Variants in WIPF2 observed in about 807,000 individuals in gnomAD.
The protein encoded by WIPF2 is WAS/WASL-interacting protein family member 2.
WIPF2 carries 23 observed loss-of-function variants against 38.8 expected under a neutral mutation model. The ratio of observed to expected loss-of-function variants is 0.59; its 90% CI spans 0.43 to 0.84. WIPF2 has a LOEUF of 0.84. Among genes scored for constraint, WIPF2 ranks in the 40% least tolerant of loss-of-function variants. WIPF2 has a pLI of 0.00. For synonymous variants in WIPF2, 210 were observed against 223.2 expected (o/e 0.94, Z 0.53); for missense variants, 574 against 580.5 (o/e 0.99, Z 0.11).
rs1474168335 is a variant in WIPF2 at position 40,264,541 on chromosome 17, C to T, written c.365C>T (p.Ala122Val). ...CAAATCCCCAGTTCTCGAGCTGCTG[C>T]CCCAAGGCCTCCAGTATCTGCCGCC... is the stretch of plus-strand genomic sequence containing the variant. ...ALQIPSSRAAAPRPPVSAASG... is the reference protein window; with the variant it reads ...ALQIPSSRAAVPRPPVSAASG... The change falls in exon 5 of 8, where the codon GCC becomes GTC. Residue 122 changes from alanine (A) to valine (V), a missense_variant. Physicochemically the swap from Ala to Val is moderately conservative, Grantham distance 64. Coordinates refer to ENST00000323571, the MANE Select transcript of WIPF2 (RefSeq NM_133264.5). 1 of 1,613,972 alleles carries T rather than the reference C, an allele frequency of 6.2e-7. No homozygotes were observed. Among genetic ancestry groups the T allele is most frequent in the Non-Finnish European group, 8.5e-7 (1 of 1,180,042 alleles).
At chr17:40,248,653 A>G (rs2031454961) in intron 1 of WIPF2, among the ~76,000 whole-genome samples, 1 of 152,096 alleles carries the variant, frequency 6.6e-6, no homozygotes, top group South Asian at 2.1e-4. Context: ...TGTTAGAGAG[A>G]TTTCATTTGA....
intron 5 of WIPF2, among the ~76,000 whole-genome samples, chr17:40,270,796 C>T (rs779807153): frequency 6.6e-6 from 1 of 151,878 alleles, no homozygotes; most frequent in Non-Finnish European, 1.5e-5. Context: ...TTCTACTGAA[C>T]AAAGCTTGGA....
intron 1 of WIPF2, among the ~76,000 whole-genome samples, chr17:40,226,227 G>T (rs1243138779): frequency 6.8e-6 from 1 of 146,838 alleles, no homozygotes; most frequent in Non-Finnish European, 1.5e-5. Flanking sequence ...TTTTTGAGAT[G>T]GAGTCTCGTT....
intron 1 of WIPF2, among the ~76,000 whole-genome samples, chr17:40,225,574 C>CT (rs2030445446): frequency 6.6e-6 from 1 of 152,174 alleles, no homozygotes; most frequent in African/African-American, 2.4e-5. Flanking sequence ...ATGTGTTCTA[C>CT]TTAGTAAATA....
chr17:40,256,096 TAAA>T (rs892748332), intron 1 of WIPF2, among the ~76,000 whole-genome samples: 4 of 96,966 alleles, frequency 4.1e-5, no homozygotes, highest in Non-Finnish European at 4.2e-5. Context: ...CCAGGGTCTT[TAAA>T]AAAAAAAAAA....
At position 40,264,556 on chromosome 17, in the gene WIPF2, T is replaced by G. The variant is rs2032017183; in HGVS notation, c.380T>G (p.Val127Gly). ...CGAGCTGCTGCCCCAAGGCCTCCAG[T>G]ATCTGCCGCCAGCGGGCGTCCTCAG... Reference protein sequence around the residue: ...SSRAAAPRPPVSAASGRPQDD... With the variant: ...SSRAAAPRPPGSAASGRPQDD... The change falls in exon 5 of 8, where the codon GTA (valine) becomes GGA (glycine). Residue 127 changes from valine (V) to glycine (G), a missense_variant. By Grantham distance (109) the Val-to-Gly change is moderately radical. Transcript: ENST00000323571. 1.2e-6 allele frequency: 2 copies of G among 1,613,972 alleles called. No individual in the cohort carries two copies. The highest frequency in any genetic ancestry group is 2.7e-5 in the African/African-American group (2 of 74,868).
chr17:40,262,342 C>G (rs1452241986), intron 3 of WIPF2, among the ~76,000 whole-genome samples, 183 bp from the exon 4 acceptor site: 1 of 152,146 alleles, frequency 6.6e-6, no homozygotes, highest in African/African-American at 2.4e-5. Context: ...CTTGGCCTCC[C>G]AAAATGCTGG....
At chr17:40,262,476 C>T in intron 3 of WIPF2, 49 bp from the exon 4 acceptor site, 1 of 1,471,250 alleles carries the variant, frequency 6.8e-7, no homozygotes, top group Non-Finnish European at 9.5e-7. Context: ...TTTACTTGGT[C>T]ACCAGCTGAG....
At chr17:40,275,641 G>T (rs527803752) in intron 6 of WIPF2, among the ~76,000 whole-genome samples, 1 of 151,988 alleles carries the variant, frequency 6.6e-6, no homozygotes, top group South Asian at 2.1e-4. Context: ...ACGGCTCACC[G>T]CAGTCTCGAC....
intron 1 of WIPF2, among the ~76,000 whole-genome samples, chr17:40,249,061 A>T (rs1311203724): frequency 1.3e-5 from 2 of 152,132 alleles, no homozygotes; most frequent in African/African-American, 4.8e-5. Context: ...ACTGTAATTT[A>T]CTTTGTAGTC....
chr17:40,276,520 CAAAAAAAAAAAAA>C (rs1160459322), intron 6 of WIPF2, among the ~76,000 whole-genome samples: 1 of 71,616 alleles, frequency 1.4e-5, no homozygotes, highest in Non-Finnish European at 2.4e-5. Context: ...GACTCCGTCT[CAAAAAAAAAAAAA>C]AAAAAAAAAA....
chr17:40,225,486 T>C (rs1021269250), intron 1 of WIPF2, among the ~76,000 whole-genome samples: 13 of 152,184 alleles, frequency 8.5e-5, no homozygotes, highest in African/African-American at 2.2e-4. Context: ...AGTTATCAAA[T>C]AGGGGAGCCA....
intron 1 of WIPF2, among the ~76,000 whole-genome samples, chr17:40,254,358 A>G (rs911412909): frequency 1.3e-5 from 2 of 152,148 alleles, no homozygotes. Context: ...CAGTTCTTCC[A>G]TGGATTGATT....
At chr17:40,250,914 CTTTTTTTTT>C (rs1020649049) in intron 1 of WIPF2, among the ~76,000 whole-genome samples, 4 of 90,344 alleles carry the variant, frequency 4.4e-5, no homozygotes, top group Admixed American at 3.7e-4. Context: ...CTATTAGATT[CTTTTTTTTT>C]TTTTTTTTTT....
At position 40,265,018 on chromosome 17, in the gene WIPF2, A is replaced by G. The variant is rs766438650; in HGVS notation, c.842A>G (p.Asn281Ser). Residue 281 changes from asparagine (N) to serine (S), a missense_variant, in exon 5 of 8, where the codon AAT (asparagine) becomes AGT (serine). Asn to Ser is a conservative substitution (Grantham distance 46, BLOSUM62 1). Transcript: ENST00000323571. ...ESAPELPQRH[N>S]SLHRKTPGPV... ...GCCCCTGAGCTGCCACAGAGACACA[A>G]TTCTTTGCATAGGAAGACACCAGGG... The G allele has an allele frequency of 5.6e-6, 9 of 1,613,792 alleles. No individual in the cohort carries two copies. Among genetic ancestry groups the G allele is most frequent in the Middle Eastern group, 1.6e-4 (1 of 6,084 alleles).
intron 1 of WIPF2, among the ~76,000 whole-genome samples, chr17:40,222,573 A>ATGTGTGTGTGTGTTTG (rs1491562896): frequency 7.1e-6 from 1 of 139,974 alleles, no homozygotes; most frequent in African/African-American, 2.8e-5. Context: ...AGCCTTGCTC[A>ATGTGTGTGTGTGTTTG]TGTGTGTGTG....
intron 1 of WIPF2, among the ~76,000 whole-genome samples, chr17:40,240,413 C>A (rs901731992): frequency 4.6e-5 from 7 of 152,102 alleles, no homozygotes; most frequent in Non-Finnish European, 8.8e-5. Context: ...ACTATCACCC[C>A]ATCTTCCCGA....
At chr17:40,238,138 TGAGCCACCACCCCTGTCTCCAA>T (rs1216857283) in intron 1 of WIPF2, among the ~76,000 whole-genome samples, 1 of 151,888 alleles carries the variant, frequency 6.6e-6, no homozygotes, top group Non-Finnish European at 1.5e-5. Flanking sequence ...ATTACAGACG[TGAGCCACCACCCCTGTCTCCAA>T]GGGCTCTTTT....
intron 1 of WIPF2, among the ~76,000 whole-genome samples, chr17:40,222,239 A>G (rs1239396268): frequency 6.6e-6 from 1 of 151,464 alleles, no homozygotes; most frequent in East Asian, 2.0e-4. Flanking sequence ...TTTTTAGTAG[A>G]GACAGGGTTT....
Sources: gnomAD v4.1 joint callset for allele counts (sites outside exome capture counted in the v4.1 genomes callset) on GRCh38, gnomAD v4.1.1 for gene constraint, MANE v1.5 for transcripts, NCBI Gene and HGNC (gene_info 2026-07-23, HGNC 2026-07-21) for gene names.